ADARB2: variants seen among roughly 807,000 people sequenced by gnomAD.
The protein encoded by ADARB2 is inactive double-stranded RNA-specific editase B2.
In ADARB2, 25 loss-of-function variants were observed where a neutral mutation model predicts 62.2. The ratio of observed to expected loss-of-function variants is 0.40; its 90% CI spans 0.29 to 0.56. The LOEUF (loss-of-function observed/expected upper bound fraction) is 0.56, where lower values mean the gene tolerates loss of function less well. Ranked by LOEUF, ADARB2 falls within the 20% of genes least tolerant of loss-of-function variation. ADARB2 has a pLI of 0.43. For missense variants in ADARB2, 1,071 were observed against 1,077.4 expected, an observed-to-expected ratio of 0.99 and a Z score of 0.08; for synonymous variants, 572 against 500.8, an observed-to-expected ratio of 1.14 and a Z score of -1.90.
intron 1 of ADARB2, chr10:1,675,536 T>G (rs1421970429): frequency 1.0e-6 from 1 of 966,348 alleles, no homozygotes. Flanking sequence ...TCAGGAGGTT[T>G]GGGTTTGGGG....
chr10:1,382,855 G>C (rs1008368709), intron 1 of ADARB2, among the ~76,000 whole-genome samples: 1 of 152,118 alleles, frequency 6.6e-6, no homozygotes, highest in African/African-American at 2.4e-5. Flanking sequence ...CTCTAGAAAC[G>C]TCAGGGGTCG....
In ADARB2 at chr10:1,363,877, G is replaced by A; in HGVS notation, c.228C>T (p.Gly76=). ...SAEVKENRNV[G]NLAARPPPSG... ...AGGGCGGTGGCCGCGCGGCCAGGTT[G>A]CCCACGTTGCGGTTCTCCTTCACCT... Residue 76 remains glycine (G), a synonymous_variant, in exon 3 of 10, where the codon GGC becomes GGT. Coordinates refer to ENST00000381312, the MANE Select transcript of ADARB2 (RefSeq NM_018702.4). 1 of 1,495,260 alleles carries A rather than the reference G, an allele frequency of 6.7e-7. No individual in the cohort carries two copies. The highest frequency in any genetic ancestry group is 8.8e-7 in the Non-Finnish European group (1 of 1,132,944). 92.6% of individuals were successfully genotyped at this position (1,495,260 alleles called of 1,614,324 possible).
chr10:1,186,455 G>C, intron 8 of ADARB2: 1 of 518,362 alleles, frequency 1.9e-6, no homozygotes, highest in South Asian at 1.4e-5. Flanking sequence ...TTGTCCCATT[G>C]GTGCCTCCTG....
rs144024267 is a variant in ADARB2, at chr10:1,505,758, G to A, written c.101-126598C>T. On this transcript the variant is annotated intron_variant, in intron 1 of 9. Transcript: ENST00000381312. ...CACTCCCGTCCCCACCATGGCAGCCGCCTCCCCATGCCCGTGGTTCTGCCA... is the reference window on the plus strand; with the variant it reads ...CACTCCCGTCCCCACCATGGCAGCCACCTCCCCATGCCCGTGGTTCTGCCA... Among the ~76,000 whole-genome samples the A allele has an allele frequency of 9.1e-3, 1,270 of 140,122 alleles. 21 individuals are homozygous for A. The highest frequency in any genetic ancestry group is 0.031 in the African/African-American group (1,214 of 38,796). The allele number at this position is 140,122 out of a possible 152,430, so 91.9% of individuals were successfully genotyped here. A position where few individuals can be genotyped will look rare whatever the true frequency, so the allele number is the denominator to read the frequency against.
intron 3 of ADARB2, among the ~76,000 whole-genome samples, chr10:1,349,006 T>C (rs1233512262): frequency 2.6e-5 from 4 of 152,142 alleles, no homozygotes; most frequent in African/African-American, 9.7e-5. Context: ...GACTATGGAC[T>C]CAGGGGAGGT....
At chr10:1,549,528 T>G (rs931930307) in intron 1 of ADARB2, among the ~76,000 whole-genome samples, 27 of 152,020 alleles carry the variant, frequency 1.8e-4, no homozygotes, top group African/African-American at 6.3e-4. Context: ...GGATTTGTCC[T>G]GATTGTGCTA....
At chr10:1,216,913 C>G (rs199850612) in intron 7 of ADARB2, 38 bp downstream of exon 7, 4 of 1,592,498 alleles carry the variant, frequency 2.5e-6, no homozygotes, top group Admixed American at 3.4e-5. Flanking sequence ...CCCCACCGGC[C>G]GCAGCCAACA....
At chr10:1,548,712 T>C (rs957400666) in intron 1 of ADARB2, among the ~76,000 whole-genome samples, 1 of 152,116 alleles carries the variant, frequency 6.6e-6, no homozygotes, top group Admixed American at 6.6e-5. Flanking sequence ...AAACTGGCAC[T>C]GACAGAAAGA....
intron 3 of ADARB2, among the ~76,000 whole-genome samples, chr10:1,319,133 G>C (rs1272531683): frequency 6.6e-6 from 1 of 152,170 alleles, no homozygotes; most frequent in East Asian, 1.9e-4. Flanking sequence ...CTATAGGATG[G>C]GGCTGGTGTC....
At position 1,434,248 on chromosome 10, in the gene ADARB2, G is replaced by A. The variant is rs368329478; in HGVS notation, c.101-55088C>T. 2.5e-4 allele frequency among the ~76,000 whole-genome samples: 38 copies of A among 152,280 alleles called. No individual in the cohort carries two copies. In the South Asian group the frequency reaches 7.5e-3, roughly 30 times the overall value. ...CGAAGAGGTGATGTACACAGAGGCC[G>A]GTATGAGAAATTCCACATTAACTGT... On this transcript the variant is annotated intron_variant, in intron 1 of 9. Transcript: ENST00000381312.
chr10:1,510,081 TTCTC>T lies in ADARB2; in HGVS notation c.101-130925_101-130922del, dbSNP rs775372060. ...TCTCTCACTCTTTCTTTCTTTCTCT[TTCTC>T]TCTCTCTCTCTTTTCTTTCTTTCTC... On this transcript the variant is annotated intron_variant, in intron 1 of 9. Transcript: ENST00000381312. 1.6e-3 allele frequency among the ~76,000 whole-genome samples: 233 copies of T among 149,286 alleles called. 1 individual carries two copies. The highest frequency in any genetic ancestry group is 4.6e-3 in the African/African-American group (187 of 40,494).
intron 1 of ADARB2, among the ~76,000 whole-genome samples, chr10:1,681,879 G>A (rs773677255): frequency 2.0e-5 from 3 of 152,276 alleles, no homozygotes; most frequent in East Asian, 1.9e-4. Flanking sequence ...AGCACACTCC[G>A]CAGAGACTCA....
At chr10:1,466,098 G>A (rs1020277127) in intron 1 of ADARB2, among the ~76,000 whole-genome samples, 8 of 152,226 alleles carry the variant, frequency 5.3e-5, no homozygotes, top group African/African-American at 1.7e-4. Flanking sequence ...AAGACCTCCC[G>A]TCCATCGGGT....
chr10:1,243,314 T>C (rs1331635077), intron 4 of ADARB2, among the ~76,000 whole-genome samples: 1 of 152,230 alleles, frequency 6.6e-6, no homozygotes, highest in Non-Finnish European at 1.5e-5. Context: ...TCCACAGAGT[T>C]ACCTGTAAAT....
intron 1 of ADARB2, among the ~76,000 whole-genome samples, chr10:1,567,961 G>A (rs1054047131): frequency 2.0e-5 from 3 of 152,164 alleles, no homozygotes; most frequent in Non-Finnish European, 4.4e-5. Flanking sequence ...TTGATGGCAC[G>A]GCATCACCCC....
At chr10:1,727,194 T>C (rs1835177850) in intron 1 of ADARB2, among the ~76,000 whole-genome samples, 1 of 152,220 alleles carries the variant, frequency 6.6e-6, no homozygotes, top group Non-Finnish European at 1.5e-5. Context: ...ACAATCTCTA[T>C]GCTGGTTTCT....
chr10:1,293,235 A>ACGGGGG (rs1831491807), intron 3 of ADARB2, among the ~76,000 whole-genome samples: 1 of 112,320 alleles, frequency 8.9e-6, no homozygotes, highest in African/African-American at 3.4e-5. Flanking sequence ...ACGGGGAGGG[A>ACGGGGG]GAGAGGGACG....
chr10:1,273,346 G>A (rs1158880207), intron 3 of ADARB2, among the ~76,000 whole-genome samples: 1 of 152,140 alleles, frequency 6.6e-6, no homozygotes, highest in Admixed American at 6.5e-5. Context: ...CTGCAACCTT[G>A]AATTTTTGGG....
Position 1,737,464 on chromosome 10 carries a change from G to A in ADARB2, c.-314C>T, listed in dbSNP as rs1835316639. ...CCCGCGGGCTCTGCCTCCTGCTCTG[G>A]GCTCCCAGCGCAGGGAGGCTACTTT... On this transcript the variant is annotated 5_prime_UTR_variant, in exon 1 of 10. Coordinates refer to ENST00000381312, the MANE Select transcript of ADARB2 (RefSeq NM_018702.4). 2.7e-6 allele frequency: 1 copy of A among 369,196 alleles called. No homozygotes were observed. Among genetic ancestry groups the A allele is most frequent in the African/African-American group, 2.1e-5 (1 of 48,192 alleles). 22.9% of individuals were successfully genotyped at this position (369,196 alleles called of 1,614,324 possible).
Sources: gnomAD v4.1 joint callset for allele counts (sites outside exome capture counted in the v4.1 genomes callset) on GRCh38, gnomAD v4.1.1 for gene constraint, MANE v1.5 for transcripts, NCBI Gene and HGNC (gene_info 2026-07-23, HGNC 2026-07-21) for gene names.